The following SPOCK3 variants were observed in gnomAD, a reference collection of about 807,000 sequenced individuals.
The protein encoded by SPOCK3 is testican-3.
In SPOCK3, 30 loss-of-function variants were observed where a neutral mutation model predicts 56.6. The ratio of observed to expected loss-of-function variants is 0.53; its 90% confidence interval spans 0.40 to 0.72. SPOCK3 has a LOEUF of 0.72. Among genes scored for constraint, SPOCK3 ranks in the 30% least tolerant of loss-of-function variants. The pLI, the probability that SPOCK3 is intolerant of heterozygous loss-of-function variation, is 0.00. For synonymous variants in SPOCK3, 196 were observed against 183.3 expected, an observed-to-expected ratio of 1.07 and a Z score of -0.56; for missense variants, 527 against 530.0, an observed-to-expected ratio of 0.99 and a Z score of 0.06.
chr4:166,734,939 G>C lies in SPOCK3; in HGVS notation c.1284C>G (p.Asp428Glu), dbSNP rs149878095. Residue 428 changes from aspartate to glutamate, a missense_variant, in exon 11 of 11, where the codon GAC becomes GAG. Coordinates refer to ENST00000357545, the MANE Select transcript of SPOCK3 (RefSeq NM_001040159.2). ...DEGDDDDGGD[D>E]HDVYI The stretch of plus-strand genomic sequence containing the variant: ...TCATCAATCAAATGTATACATCATG[G>C]TCATCACCACCATCATCATCATCCC... The C allele has an allele frequency of 3.5e-3, 5,423 of 1,551,696 alleles. 31 individuals are homozygous for C. The highest frequency in any genetic ancestry group is 2.7e-3 in the Non-Finnish European group (3,027 of 1,128,518).
chr4:167,172,781 T>C (rs1225539721), intron 2 of SPOCK3, among the ~76,000 whole-genome samples: 1 of 152,188 alleles, frequency 6.6e-6, no homozygotes, highest in Non-Finnish European at 1.5e-5. Context: ...TATGTGTTTA[T>C]GTATATATGC....
intron 7 of SPOCK3, among the ~76,000 whole-genome samples, chr4:166,789,650 A>G (rs1741123168): frequency 6.6e-6 from 1 of 152,146 alleles, no homozygotes; most frequent in African/African-American, 2.4e-5. Flanking sequence ...TAAGTTGAAA[A>G]CTGTGCTTTT....
chr4:166,826,855 C>T (rs1023698639), intron 6 of SPOCK3, among the ~76,000 whole-genome samples: 8 of 151,964 alleles, frequency 5.3e-5, no homozygotes, highest in African/African-American at 1.9e-4. Flanking sequence ...CTCTAGCCCT[C>T]GAAGAGGGCA....
intron 6 of SPOCK3, among the ~76,000 whole-genome samples, chr4:166,888,188 T>C (rs1050621498): frequency 4.6e-4 from 70 of 152,234 alleles, no homozygotes; most frequent in African/African-American, 1.7e-3. Context: ...CTCAATGAAA[T>C]ACATAAGTTT....
At chr4:167,147,031 T>C (rs1179307532) in intron 2 of SPOCK3, among the ~76,000 whole-genome samples, 2 of 152,094 alleles carry the variant, frequency 1.3e-5, no homozygotes, top group African/African-American at 2.4e-5. Flanking sequence ...AGTTGGTTTT[T>C]TGAAGAGATC....
In SPOCK3 at chr4:166,854,466, A is replaced by T. The variant is rs1200668127; in HGVS notation, c.589+34664T>A. The stretch of plus-strand genomic sequence containing the variant: ...AATTAAGAAATACACAAATAGCTAC[A>T]ATAAATTGGATTCTTTGTTAAAAAA... On this transcript the variant is annotated intron_variant, in intron 6 of 10. Transcript: ENST00000357545. Among the ~76,000 whole-genome samples, 13 of 152,346 alleles carry T rather than the reference A, an allele frequency of 8.5e-5. No individual in the cohort carries two copies. The East Asian group carries it at 2.5e-3, about 29-fold the overall frequency.
intron 6 of SPOCK3, among the ~76,000 whole-genome samples, chr4:166,839,962 G>C (rs1000519561): frequency 6.6e-6 from 1 of 152,190 alleles, no homozygotes; most frequent in African/African-American, 2.4e-5. Flanking sequence ...GTATTACTGT[G>C]CTTCAATAAA....
At chr4:167,132,703 C>A (rs1441054944) in intron 2 of SPOCK3, among the ~76,000 whole-genome samples, 1 of 152,116 alleles carries the variant, frequency 6.6e-6, no homozygotes, top group Non-Finnish European at 1.5e-5. Context: ...CAAATCCATT[C>A]TTTACCTCTC....
At chr4:167,080,227 C>T (rs1757583497) in intron 2 of SPOCK3, among the ~76,000 whole-genome samples, 1 of 151,988 alleles carries the variant, frequency 6.6e-6, no homozygotes, top group Non-Finnish European at 1.5e-5. Flanking sequence ...AGACAATTTG[C>T]CATCAGTATT....
chr4:167,147,864 C>T (rs958386663), intron 2 of SPOCK3, among the ~76,000 whole-genome samples: 8 of 151,840 alleles, frequency 5.3e-5, no homozygotes, highest in Admixed American at 1.3e-4. Context: ...ATGTAGGTGA[C>T]GGGTGGATGG....
intron 3 of SPOCK3, among the ~76,000 whole-genome samples, chr4:167,052,771 A>T (rs374727565): frequency 2.6e-5 from 4 of 152,230 alleles, no homozygotes; most frequent in Non-Finnish European, 4.4e-5. Context: ...AGCATAAAAA[A>T]TAAATGATAC....
chr4:166,851,846 A>T (rs1274482470), intron 6 of SPOCK3, among the ~76,000 whole-genome samples: 2 of 152,118 alleles, frequency 1.3e-5, no homozygotes, highest in Middle Eastern at 3.4e-3. Context: ...ACACATGCAC[A>T]CGTATGTTTA....
intron 7 of SPOCK3, among the ~76,000 whole-genome samples, chr4:166,783,331 C>A (rs1740381487): frequency 6.6e-6 from 1 of 151,854 alleles, no homozygotes; most frequent in Non-Finnish European, 1.5e-5. Context: ...TGCACTCCAG[C>A]ATGGGCAACA....
intron 3 of SPOCK3, among the ~76,000 whole-genome samples, chr4:167,005,490 G>A (rs1031902326): frequency 6.6e-6 from 1 of 151,978 alleles, no homozygotes; most frequent in African/African-American, 2.4e-5. Flanking sequence ...TGGGATTACA[G>A]GTGTGAGCCA....
intron 2 of SPOCK3, among the ~76,000 whole-genome samples, chr4:167,194,682 G>A (rs1189987438): frequency 6.6e-6 from 1 of 152,172 alleles, no homozygotes; most frequent in African/African-American, 2.4e-5. Context: ...TTGCTGCATG[G>A]TCCAATATCA....
chr4:166,859,534 T>C (rs1219084993), intron 6 of SPOCK3, among the ~76,000 whole-genome samples: 1 of 152,144 alleles, frequency 6.6e-6, no homozygotes, highest in Non-Finnish European at 1.5e-5. Flanking sequence ...AGATACAACA[T>C]ATGATAAACA....
intron 4 of SPOCK3, among the ~76,000 whole-genome samples, chr4:166,991,437 T>C (rs1693143268): frequency 6.6e-6 from 1 of 152,044 alleles, no homozygotes; most frequent in African/African-American, 2.4e-5. Context: ...TGGCACGATC[T>C]TGGCTCACTT....
intron 6 of SPOCK3, among the ~76,000 whole-genome samples, chr4:166,864,397 T>G (rs1404425454): frequency 6.6e-6 from 1 of 151,822 alleles, no homozygotes; most frequent in Non-Finnish European, 1.5e-5. Context: ...GCAAACAATT[T>G]CAAAAGCTAG....
intron 2 of SPOCK3, among the ~76,000 whole-genome samples, chr4:167,160,799 C>T (rs1426911783): frequency 2.0e-5 from 3 of 152,150 alleles, no homozygotes; most frequent in Non-Finnish European, 4.4e-5. Context: ...AAAGGACTCC[C>T]TATTTAATAA....
Sources: gnomAD v4.1 joint callset for allele counts (sites outside exome capture counted in the v4.1 genomes callset) on GRCh38, gnomAD v4.1.1 for gene constraint, MANE v1.5 for transcripts, NCBI Gene and HGNC (gene_info 2026-07-23, HGNC 2026-07-21) for gene names.